MID2: variants seen among roughly 807,000 people sequenced by gnomAD.
The protein encoded by MID2 is probable E3 ubiquitin-protein ligase MID2.
In MID2, 13 loss-of-function variants were observed where a neutral mutation model predicts 46.1. The ratio of observed to expected loss-of-function variants is 0.28; its 90% CI spans 0.18 to 0.45. The LOEUF is 0.45. Among genes scored for constraint, MID2 ranks in the 20% least tolerant of loss-of-function variants. The pLI, the probability that MID2 is intolerant of heterozygous loss-of-function variation, is 1.00. For missense variants in MID2, 431 were observed against 575.4 expected (o/e 0.75, Z 2.57); for synonymous variants, 199 against 212.3 (o/e 0.94, Z 0.55).
chrX:107,925,649 C>A (rs1933159781), intron 8 of MID2, among the ~76,000 whole-genome samples: 2 of 111,799 alleles, frequency 1.8e-5, no homozygotes, highest in South Asian at 7.5e-4. Context: ...TCATAACACT[C>A]TTTCTGTTAA....
At chrX:107,870,282 A>G (rs898825871) in intron 3 of MID2, among the ~76,000 whole-genome samples, 22 of 109,779 alleles carry the variant, frequency 2.0e-4, no homozygotes, top group Non-Finnish European at 4.0e-4. Flanking sequence ...TAGCCTTACT[A>G]TTTCTGATAT....
At chrX:107,828,693 C>G (rs1931022875) in intron 1 of MID2, among the ~76,000 whole-genome samples, 1 of 112,118 alleles carries the variant, frequency 8.9e-6, no homozygotes, top group African/African-American at 3.2e-5. Flanking sequence ...AACACAGGTC[C>G]AGGAGTCAAG....
rs1933280431 is a variant in MID2, at chrX:107,931,411, G to C, written c.*4338G>C. Among the ~76,000 whole-genome samples the C allele has an allele frequency of 8.9e-6, 1 of 111,764 alleles. No individual in the cohort carries two copies. The highest frequency in any genetic ancestry group is 3.3e-5 in the African/African-American group (1 of 30,759). ...AGTCTGCCAGCTTCAGACATATGCT[G>C]TATTGTTGTTATTGGCTAGACTATT... On this transcript the variant is annotated 3_prime_UTR_variant, in exon 10 of 10. Transcript: ENST00000262843.
chrX:107,833,217 G>A (rs1931129044), intron 1 of MID2, among the ~76,000 whole-genome samples: 1 of 110,382 alleles, frequency 9.1e-6, no homozygotes, highest in Non-Finnish European at 1.9e-5. Flanking sequence ...TATAATAATC[G>A]GATGTCAGAG....
chrX:107,848,418 A>T (rs1264677518), intron 2 of MID2, among the ~76,000 whole-genome samples: 1 of 111,466 alleles, frequency 9.0e-6, no homozygotes, highest in Non-Finnish European at 1.9e-5. Context: ...TGAGCTAGAG[A>T]TGTAATCATG....
At chrX:107,876,768 G>T (rs756275235) in intron 3 of MID2, among the ~76,000 whole-genome samples, 16 of 111,956 alleles carry the variant, frequency 1.4e-4, no homozygotes, top group Non-Finnish European at 2.8e-4. Context: ...TCAGATACTT[G>T]GGTTATATTC....
At chrX:107,907,633 A>T (rs893187002) in intron 5 of MID2, among the ~76,000 whole-genome samples, 1 of 111,026 alleles carries the variant, frequency 9.0e-6, no homozygotes, top group African/African-American at 3.3e-5. Flanking sequence ...CAAACAAAAA[A>T]ACCCCATGAC....
intron 5 of MID2, among the ~76,000 whole-genome samples, chrX:107,906,456 T>C (rs1932836325): frequency 8.9e-6 from 1 of 112,331 alleles, no homozygotes; most frequent in African/African-American, 3.2e-5. Context: ...CAGAGCTCCA[T>C]CTCATCCACC....
chrX:107,888,155 G>A (rs1331176708), intron 3 of MID2, among the ~76,000 whole-genome samples: 1 of 111,199 alleles, frequency 9.0e-6, no homozygotes, highest in Non-Finnish European at 1.9e-5. Flanking sequence ...GTTATTTCTT[G>A]CCTTCTGCTA....
rs1367186397 is a variant in MID2, at chrX:107,926,295, C to T, written c.1799C>T (p.Ser600Leu). Reference protein sequence around the residue: ...CHYWEVVMGSSTWYAIGIAYK... With the variant: ...CHYWEVVMGSLTWYAIGIAYK... The stretch of plus-strand genomic sequence containing the variant: ...TATTGGGAGGTGGTCATGGGTTCCT[C>T]AACATGGTGAGTGGATCCCATTTTC... Residue 600 changes from serine (S) to leucine (L), a missense_variant, in exon 9 of 10, where the codon TCA becomes TTA. Transcript: ENST00000262843. The T allele has an allele frequency of 2.5e-6, 3 of 1,202,066 alleles. No homozygotes were observed. The highest frequency in any genetic ancestry group is 3.6e-5 in the South Asian group (2 of 55,984).
At chrX:107,855,357 C>T (rs1213364410) in intron 3 of MID2, among the ~76,000 whole-genome samples, 2 of 111,922 alleles carry the variant, frequency 1.8e-5, no homozygotes, top group Admixed American at 9.5e-5. Context: ...AAGAGCTGAC[C>T]TCTTCTTAAA....
chrX:107,838,752 G>T (rs1372615537), intron 1 of MID2, among the ~76,000 whole-genome samples: 1 of 111,881 alleles, frequency 8.9e-6, no homozygotes, highest in African/African-American at 3.3e-5. Flanking sequence ...AAATTTTCAA[G>T]CTCTGATGAG....
At chrX:107,880,059 C>A (rs1395378615) in intron 3 of MID2, among the ~76,000 whole-genome samples, 1 of 107,730 alleles carries the variant, frequency 9.3e-6, no homozygotes, top group African/African-American at 3.4e-5. Context: ...GAAGAATTGG[C>A]AATACAGAGA....
chrX:107,874,418 G>T (rs1311432768), intron 3 of MID2, among the ~76,000 whole-genome samples: 1 of 112,640 alleles, frequency 8.9e-6, no homozygotes, highest in East Asian at 2.8e-4. Flanking sequence ...TACCAGCAAG[G>T]CTACTGCTGC....
At chrX:107,890,681 G>C (rs1338245011) in intron 3 of MID2, among the ~76,000 whole-genome samples, 29 of 112,036 alleles carry the variant, frequency 2.6e-4, no homozygotes, top group Non-Finnish European at 1.1e-4. Context: ...AGAGTTTTCT[G>C]CTGCCTTTTG....
chrX:107,859,708 A>G (rs1363052166), intron 3 of MID2, among the ~76,000 whole-genome samples: 1 of 112,730 alleles, frequency 8.9e-6, no homozygotes, highest in Non-Finnish European at 1.9e-5. Flanking sequence ...AGGCTGCAGA[A>G]TGGAAAAAAA....
At chrX:107,878,698 A>C (rs1380721249) in intron 3 of MID2, among the ~76,000 whole-genome samples, 2 of 112,104 alleles carry the variant, frequency 1.8e-5, no homozygotes, top group African/African-American at 6.5e-5. Flanking sequence ...CTGGTCCCAC[A>C]TGATGGCTAG....
intron 3 of MID2, among the ~76,000 whole-genome samples, chrX:107,867,662 A>G (rs771087699): frequency 1.2e-4 from 13 of 111,379 alleles, no homozygotes; most frequent in African/African-American, 3.6e-4. Flanking sequence ...CTAGTGAAAT[A>G]TAAGGGAAGA....
At chrX:107,848,120 G>C (rs1295708783) in intron 2 of MID2, among the ~76,000 whole-genome samples, 6 of 111,404 alleles carry the variant, frequency 5.4e-5, no homozygotes, top group African/African-American at 1.6e-4. Flanking sequence ...CAGCGTGGTG[G>C]TAGAGCCATG....
Sources: gnomAD v4.1 joint callset for allele counts (sites outside exome capture counted in the v4.1 genomes callset) on GRCh38, gnomAD v4.1.1 for gene constraint, MANE v1.5 for transcripts, NCBI Gene and HGNC (gene_info 2026-07-23, HGNC 2026-07-21) for gene names.